Variants in SPATA31C1 observed in about 807,000 individuals in gnomAD.
SPATA31C1 encodes SPATA31 subfamily C member 1.
At chr9:87,921,021 C>A in exon 5 of SPATA31C1, 1 of 1,612,204 alleles carries the variant, frequency 6.2e-7, no homozygotes, top group Non-Finnish European at 8.5e-7. Flanking sequence ...AGTCCTATCT[C>A]CTGCTTTTCT....
At chr9:87,922,871 C>A in exon 5 of SPATA31C1, 1 of 1,606,066 alleles carries the variant, frequency 6.2e-7, no homozygotes, top group Non-Finnish European at 8.5e-7. Context: ...TTACCCCAGG[C>A]AGAAAAACAG....
Position 87,919,908 on chromosome 9 carries a change from A to G in SPATA31C1, n.581-8A>G, listed in dbSNP as rs1828804728. 6.2e-7 allele frequency: 1 copy of G among 1,606,580 alleles called. No homozygotes were observed. ...TCCCTCACTGCCCTAACCCGGTCTGATTTCCAGCTTGTAGAGAGTGCCCGA... is the reference window on the plus strand; with the variant it reads ...TCCCTCACTGCCCTAACCCGGTCTGGTTTCCAGCTTGTAGAGAGTGCCCGA... On this transcript the variant is annotated splice_region_variant and splice_polypyrimidine_tract_variant and intron_variant and non_coding_transcript_variant, in intron 3 of 4. Transcript: ENST00000420021.
Position 87,921,865 on chromosome 9 carries a change from A to G in SPATA31C1, n.2255A>G, listed in dbSNP as rs201732020. 3.7e-4 allele frequency: 602 copies of G among 1,610,394 alleles called. 1 individual carries two copies. The highest frequency in any genetic ancestry group is 4.2e-4 in the Non-Finnish European group (498 of 1,179,816). On this transcript the variant is annotated non_coding_transcript_exon_variant, in exon 5 of 5. Transcript: ENST00000420021. Reference sequence around the variant, plus strand: ...GAGCTGTGTACTCAGCAGGTGCTGGAAGCCCATATTGTGAGGTTTTGGGCC... The same window carrying G: ...GAGCTGTGTACTCAGCAGGTGCTGGGAGCCCATATTGTGAGGTTTTGGGCC...
At position 87,915,448 on chromosome 9, in the gene SPATA31C1, C is replaced by T. The variant is rs548536090; in HGVS notation, n.189+738C>T. On this transcript the variant is annotated intron_variant and non_coding_transcript_variant, in intron 1 of 4. Transcript: ENST00000420021. Reference sequence around the variant, plus strand: ...GTACTGAGTAGCTGGGGATTACAGGCGCCCGCCACCACGCCTGGCTAATTT... The same window carrying T: ...GTACTGAGTAGCTGGGGATTACAGGTGCCCGCCACCACGCCTGGCTAATTT... Among the ~76,000 whole-genome samples, 8 of 144,958 alleles carry T rather than the reference C, an allele frequency of 5.5e-5. 1 individual carries two copies. The highest frequency in any genetic ancestry group is 1.4e-4 in the Admixed American group (2 of 14,724).
exon 5 of SPATA31C1, chr9:87,921,999 A>G (rs759311625): frequency 2.5e-6 from 4 of 1,613,614 alleles, no homozygotes; most frequent in Non-Finnish European, 3.4e-6. Flanking sequence ...CTCCTCAGAC[A>G]CCTGCGAATC....
exon 5 of SPATA31C1, chr9:87,923,079 G>A (rs1828920517): frequency 1.9e-6 from 3 of 1,601,982 alleles, no homozygotes; most frequent in East Asian, 4.5e-5. Flanking sequence ...CAGTGCTGAA[G>A]CTGAGAGGCT....
chr9:87,920,026 A>T (rs1425176519), intron 4 of SPATA31C1, 50 bp downstream of exon 3: 4 of 1,608,430 alleles, frequency 2.5e-6, no homozygotes, highest in Non-Finnish European at 3.4e-6. Flanking sequence ...CTGGGACGTG[A>T]CCCCAGGGCC....
exon 5 of SPATA31C1, chr9:87,922,863 A>G (rs1297042321): frequency 1.9e-6 from 3 of 1,606,242 alleles, no homozygotes; most frequent in Admixed American, 1.7e-5. Context: ...TCCTCAACTT[A>G]CCCCAGGCAG....
At chr9:87,919,486 T>A in intron 3 of SPATA31C1, 138 bp downstream of exon 2, 1 of 1,332,026 alleles carries the variant, frequency 7.5e-7, no homozygotes, top group South Asian at 1.3e-5. Context: ...CCTTCTCAGA[T>A]TCTGTGCCGC....
At chr9:87,921,430 C>A in exon 5 of SPATA31C1, 2 of 1,611,792 alleles carry the variant, frequency 1.2e-6, no homozygotes, top group Non-Finnish European at 1.7e-6. Flanking sequence ...AGCAAGGAGG[C>A]ACAGACGGTG....
rs566064195 is a variant in SPATA31C1, at chr9:87,922,259, A to G, written n.2649A>G. The G allele has an allele frequency of 1.4e-5, 23 of 1,613,020 alleles. 1 individual carries two copies. The South Asian group carries it at 2.4e-4, about 17-fold the overall frequency. On this transcript the variant is annotated non_coding_transcript_exon_variant, in exon 5 of 5. Coordinates refer to ENST00000420021, the Ensembl canonical transcript of SPATA31C1. Reference sequence around the variant, plus strand: ...CTAAGCCCCTCACATACAGCCTCAAAGGCAGCACCCAGCAGAGCAGGAGCT... The same window carrying G: ...CTAAGCCCCTCACATACAGCCTCAAGGGCAGCACCCAGCAGAGCAGGAGCT...
At chr9:87,920,517 C>G in exon 5 of SPATA31C1, 2 of 1,613,972 alleles carry the variant, frequency 1.2e-6, no homozygotes, top group Admixed American at 1.7e-5. Flanking sequence ...ACCTTCCCTT[C>G]TCCTAGAACG....
At chr9:87,920,780 C>T in exon 5 of SPATA31C1, 1 of 1,613,940 alleles carries the variant, frequency 6.2e-7, no homozygotes, top group Non-Finnish European at 8.5e-7. Flanking sequence ...AAGTTTCTGC[C>T]CTCTCCTGGT....
chr9:87,915,534 T>G (rs71279173), intron 1 of SPATA31C1, among the ~76,000 whole-genome samples: 2 of 144,776 alleles, frequency 1.4e-5, no homozygotes, highest in African/African-American at 5.1e-5. Context: ...CTCTTGACTT[T>G]AGGTGATCCA....
chr9:87,920,643 C>G, exon 5 of SPATA31C1: 1 of 1,613,918 alleles, frequency 6.2e-7, no homozygotes, highest in African/African-American at 1.3e-5. Context: ...GGACTCCACT[C>G]TGTTAACACC....
chr9:87,920,344 C>T (rs1168687249), exon 5 of SPATA31C1: 1 of 1,613,846 alleles, frequency 6.2e-7, no homozygotes, highest in African/African-American at 1.3e-5. Flanking sequence ...CCTGATGGAG[C>T]CTCCCGGTCC....
exon 5 of SPATA31C1, chr9:87,920,841 G>T (rs201907359): frequency 2.2e-5 from 35 of 1,613,610 alleles, no homozygotes; most frequent in Non-Finnish European, 3.0e-5. Flanking sequence ...AGTCCAGCAA[G>T]ATCATCTTTC....
intron 4 of SPATA31C1, 52 bp downstream of exon 3, chr9:87,920,028 C>G (rs1828809554): frequency 6.2e-7 from 1 of 1,608,334 alleles, no homozygotes; most frequent in Non-Finnish European, 8.5e-7. Flanking sequence ...GGGACGTGAC[C>G]CCAGGGCCAC....
rs750165353 is a variant in SPATA31C1 at position 87,919,363 on chromosome 9, G to A, written n.580+15G>A. 6.2e-7 allele frequency: 1 copy of A among 1,601,892 alleles called. No homozygotes were observed. The highest frequency in any genetic ancestry group is 1.3e-5 in the African/African-American group (1 of 74,160). ...CAGTCTGAGAGGTAAGGCTCTGCCA[G>A]GGCACACTAGAGTTAATTTGATCTC... On this transcript the variant is annotated intron_variant and non_coding_transcript_variant, in intron 3 of 4. Transcript: ENST00000420021.
Sources: allele counts gnomAD v4.1 joint callset (sites outside exome capture counted in the v4.1 genomes callset), GRCh38; gene constraint gnomAD v4.1.1; transcripts MANE v1.5; gene names NCBI Gene and HGNC (gene_info 2026-07-23, HGNC 2026-07-21).